Variants in SNX29 observed in about 807,000 individuals in gnomAD.
SNX29 encodes the protein sorting nexin 29.
In SNX29, 78 loss-of-function variants were observed where a neutral mutation model predicts 102.1. That is an observed-to-expected ratio of 0.76 (90% CI 0.64 to 0.92). SNX29 has a LOEUF of 0.92. SNX29 is among the 40% of genes least tolerant of loss of function. The pLI is 0.00. For missense variants in SNX29, 1,280 were observed against 1,061.7 expected (o/e 1.21, Z -2.86); for synonymous variants, 580 against 414.5 (o/e 1.40, Z -4.85).
intron 13 of SNX29, among the ~76,000 whole-genome samples, chr16:12,180,729 C>T (rs2076364843): frequency 6.6e-6 from 1 of 152,168 alleles, no homozygotes; most frequent in African/African-American, 2.4e-5. Context: ...TCATGATCCA[C>T]CGGCCTCGGC....
At chr16:12,221,778 G>A (rs1020388492) in intron 14 of SNX29, among the ~76,000 whole-genome samples, 14 of 152,176 alleles carry the variant, frequency 9.2e-5, no homozygotes, top group Middle Eastern at 3.2e-3. Flanking sequence ...CCCTGCATGC[G>A]TTGGTCCTGT....
intron 20 of SNX29, among the ~76,000 whole-genome samples, chr16:12,562,712 A>G (rs2078797446): frequency 6.6e-6 from 1 of 152,168 alleles, no homozygotes; most frequent in African/African-American, 2.4e-5. Flanking sequence ...ATTGAAGCCT[A>G]CCGTGGTACT....
chr16:12,482,775 C>G (rs1351527616), intron 19 of SNX29, among the ~76,000 whole-genome samples: 1 of 152,222 alleles, frequency 6.6e-6, no homozygotes, highest in Non-Finnish European at 1.5e-5. Flanking sequence ...ATTTCCCCTA[C>G]AATGCCATCA....
intron 15 of SNX29, among the ~76,000 whole-genome samples, chr16:12,347,543 T>C (rs937649634): frequency 6.6e-6 from 1 of 152,156 alleles, no homozygotes; most frequent in African/African-American, 2.4e-5. Context: ...CGAGTCACCC[T>C]TCTGAGCCTC....
intron 20 of SNX29, among the ~76,000 whole-genome samples, chr16:12,541,596 G>A (rs983367253): frequency 6.6e-6 from 1 of 152,132 alleles, no homozygotes; most frequent in African/African-American, 2.4e-5. Context: ...TCAACCCTGA[G>A]GTCACACTCT....
chr16:12,504,083 C>A (rs773343291), intron 19 of SNX29, among the ~76,000 whole-genome samples: 8 of 152,158 alleles, frequency 5.3e-5, no homozygotes, highest in Non-Finnish European at 8.8e-5. Context: ...CAGCCCCTAG[C>A]AACCACTCAT....
At chr16:12,255,476 G>A (rs970951485) in intron 14 of SNX29, among the ~76,000 whole-genome samples, 2 of 151,962 alleles carry the variant, frequency 1.3e-5, no homozygotes, top group African/African-American at 2.4e-5. Context: ...CCCCTAACCC[G>A]CCAGAACTCA....
chr16:12,528,542 T>C (rs564529085), intron 20 of SNX29, among the ~76,000 whole-genome samples: 3 of 152,130 alleles, frequency 2.0e-5, no homozygotes, highest in African/African-American at 7.2e-5. Flanking sequence ...ACAGCACCAT[T>C]CCCCCACTCT....
intron 15 of SNX29, among the ~76,000 whole-genome samples, chr16:12,326,326 T>G (rs1048569413): frequency 7.2e-3 from 187 of 25,810 alleles, no homozygotes; most frequent in African/African-American, 0.023. Flanking sequence ...ATAGCTTTTT[T>G]GTCTTTTTTT....
intron 13 of SNX29, among the ~76,000 whole-genome samples, chr16:12,173,939 T>TG (rs1444878956): frequency 2.0e-5 from 3 of 152,168 alleles, no homozygotes; most frequent in Admixed American, 1.3e-4. Flanking sequence ...CCCACCATGC[T>TG]GGGCTAATTT....
chr16:12,090,364 C>G (rs1193289404), intron 11 of SNX29: 2 of 152,200 alleles, frequency 1.3e-5, no homozygotes, highest in Non-Finnish European at 2.9e-5. Flanking sequence ...CGGGTTAGGA[C>G]TTTGCGCAGG....
intron 19 of SNX29, 103 bp from the exon 20 acceptor site, chr16:12,524,599 T>G: frequency 7.3e-7 from 1 of 1,371,314 alleles, no homozygotes; most frequent in Non-Finnish European, 9.8e-7. Context: ...CAATCAGTGT[T>G]GGTTGCCTGG....
intron 15 of SNX29, among the ~76,000 whole-genome samples, chr16:12,316,105 A>G (rs1364315756): frequency 6.6e-6 from 1 of 152,190 alleles, no homozygotes; most frequent in East Asian, 1.9e-4. Context: ...AAGTACAAAG[A>G]TCTAGGAGGG....
At chr16:12,067,240 T>C (rs1296432133) in intron 9 of SNX29, among the ~76,000 whole-genome samples, 1 of 151,992 alleles carries the variant, frequency 6.6e-6, no homozygotes, top group Non-Finnish European at 1.5e-5. Context: ...AGTCAGTAAA[T>C]AACTTGATGG....
intron 14 of SNX29, among the ~76,000 whole-genome samples, chr16:12,206,816 T>G (rs1313263609): frequency 6.8e-6 from 1 of 147,522 alleles, no homozygotes; most frequent in East Asian, 2.0e-4. Context: ...ATGAGGTGGT[T>G]TTTTTTTTTT....
chr16:12,529,307 C>T (rs147221709), intron 20 of SNX29, among the ~76,000 whole-genome samples: 28 of 152,320 alleles, frequency 1.8e-4, no homozygotes, highest in South Asian at 6.2e-4. Flanking sequence ...TGGGAAGCCC[C>T]GTGCTGTGTT....
intron 20 of SNX29, among the ~76,000 whole-genome samples, chr16:12,566,251 C>G (rs533211599): frequency 2.0e-4 from 30 of 152,334 alleles, no homozygotes; most frequent in Middle Eastern, 3.4e-3. Context: ...GACAAGGAAA[C>G]CAAGGGTCAG....
intron 13 of SNX29, among the ~76,000 whole-genome samples, chr16:12,173,561 T>G (rs1431746836): frequency 2.6e-5 from 4 of 152,150 alleles, no homozygotes; most frequent in Admixed American, 1.3e-4. Flanking sequence ...AAATTCTAGC[T>G]CTCTCTCATT....
intron 5 of SNX29, among the ~76,000 whole-genome samples, chr16:12,045,285 A>G (rs1265190977): frequency 2.0e-5 from 3 of 152,194 alleles, no homozygotes; most frequent in Non-Finnish European, 4.4e-5. Context: ...ACTACAGGTC[A>G]TGTATCCCTG....
Sources: allele counts gnomAD v4.1 joint callset (sites outside exome capture counted in the v4.1 genomes callset), GRCh38; gene constraint gnomAD v4.1.1; transcripts MANE v1.5; gene names NCBI Gene and HGNC (gene_info 2026-07-23, HGNC 2026-07-21).